Variants in LARP1B observed in about 807,000 individuals in gnomAD.
LARP1B encodes the protein la-related protein 1B.
In LARP1B, 76 loss-of-function variants were observed where a neutral mutation model predicts 114.2. The ratio of observed to expected loss-of-function variants is 0.67; its 90% confidence interval spans 0.55 to 0.81. The LOEUF is 0.81. LARP1B is among the 30% of genes least tolerant of loss of function. The pLI is 0.00. For synonymous variants in LARP1B, 345 were observed against 348.0 expected (o/e 0.99, Z 0.10); for missense variants, 1,014 against 1,075.8 (o/e 0.94, Z 0.80).
intron 1 of LARP1B, chr4:128,069,201 CTGAT>C (rs1764234663): frequency 9.9e-6 from 11 of 1,109,402 alleles, no homozygotes; most frequent in Non-Finnish European, 2.7e-6. Flanking sequence ...AGGATTTCTT[CTGAT>C]AGCTTTATGG....
chr4:128,074,017 C>T (rs918630528), intron 1 of LARP1B, among the ~76,000 whole-genome samples: 23 of 149,954 alleles, frequency 1.5e-4, no homozygotes, highest in South Asian at 6.4e-4. Flanking sequence ...CTCAGCTTAC[C>T]GCATCCTCTG....
intron 13 of LARP1B, 136 bp downstream of exon 13, chr4:128,177,043 TTGGTGCTATTTGTGTCACCAAGAACAAAG>T: frequency 1.3e-6 from 1 of 784,360 alleles, no homozygotes; most frequent in South Asian, 1.7e-5. Flanking sequence ...GACTGACAGT[TTGGTGCTATTTGTGTCACCAAGAACAAAG>T]TGGAAAATGA....
intron 5 of LARP1B, among the ~76,000 whole-genome samples, chr4:128,084,073 C>T (rs907628254): frequency 2.1e-4 from 32 of 152,082 alleles, no homozygotes; most frequent in Admixed American, 3.3e-4. Context: ...GGATGGTTGC[C>T]GGGAAGAGGC....
chr4:128,075,635 C>T (rs950372848), intron 3 of LARP1B, among the ~76,000 whole-genome samples: 19 of 151,584 alleles, frequency 1.3e-4, no homozygotes, highest in African/African-American at 3.6e-4. Flanking sequence ...GCAGCCTTGG[C>T]CTTCCAGGCT....
intron 1 of LARP1B, among the ~76,000 whole-genome samples, chr4:128,074,205 G>T (rs548969108): frequency 6.6e-6 from 1 of 152,244 alleles, no homozygotes; most frequent in African/African-American, 2.4e-5. Flanking sequence ...CTCCCAAAGT[G>T]CTGGGATTAC....
intron 4 of LARP1B, 139 bp from the exon 5 acceptor site, chr4:128,082,026 G>A (rs1476358908): frequency 1.5e-5 from 12 of 820,222 alleles, no homozygotes; most frequent in African/African-American, 5.2e-5. Context: ...ATGAGCCACC[G>A]TGTCTGGCCT....
intron 9 of LARP1B, among the ~76,000 whole-genome samples, chr4:128,109,339 A>G (rs930842056): frequency 6.6e-6 from 1 of 152,174 alleles, no homozygotes; most frequent in Non-Finnish European, 1.5e-5. Context: ...TTTTAACAAC[A>G]TAACTCTTTA....
intron 11 of LARP1B, among the ~76,000 whole-genome samples, chr4:128,127,909 T>C (rs758732819): frequency 2.0e-5 from 3 of 152,198 alleles, no homozygotes; most frequent in Admixed American, 1.3e-4. Flanking sequence ...GTAATCAAGA[T>C]AGTGGTGCTG....
At chr4:128,154,808 C>T (rs897025107) in intron 11 of LARP1B, among the ~76,000 whole-genome samples, 2 of 152,110 alleles carry the variant, frequency 1.3e-5, no homozygotes, top group African/African-American at 2.4e-5. Flanking sequence ...GTTTTTTGCT[C>T]TGTCACCCAA....
chr4:128,207,376 G>C lies in LARP1B; in HGVS notation c.2540G>C (p.Arg847Pro). The C allele has an allele frequency of 6.7e-7, 1 of 1,499,886 alleles. No individual in the cohort carries two copies. The highest frequency in any genetic ancestry group is 8.9e-7 in the Non-Finnish European group (1 of 1,122,926). 92.9% of individuals were successfully genotyped at this position (1,499,886 alleles called of 1,614,324 possible). ...AGTTTTAAGAGGTTAGAAGACTTCC[G>C]TGTTGATGTAAGTTTTAAGTCATTT... ...LCSFKRLEDF[R>P]VDPPISDEFG... Residue 847 changes from arginine to proline, a missense_variant, in exon 19 of 20, where the codon CGT becomes CCT. Coordinates refer to ENST00000326639, the MANE Select transcript of LARP1B (RefSeq NM_018078.4).
chr4:128,116,903 A>AT (rs1048047751), intron 10 of LARP1B, among the ~76,000 whole-genome samples: 33 of 134,282 alleles, frequency 2.5e-4, no homozygotes, highest in African/African-American at 5.1e-4. Context: ...TTATCAAGTG[A>AT]TTTTTTTTTC....
chr4:128,099,329 C>T (rs1170739411), intron 8 of LARP1B, among the ~76,000 whole-genome samples: 1 of 149,434 alleles, frequency 6.7e-6, no homozygotes, highest in Non-Finnish European at 1.5e-5. Flanking sequence ...ATTCTGTTGC[C>T]CAGTATGGAG....
At position 128,178,535 on chromosome 4, in the gene LARP1B, C is replaced by T; in HGVS notation, c.1789C>T (p.His597Tyr). The change falls in exon 14 of 20, where the codon CAT (histidine) becomes TAT (tyrosine). Residue 597 changes from histidine (H) to tyrosine (Y), a missense_variant. By Grantham distance (83) the His-to-Tyr change is moderately conservative. Coordinates refer to ENST00000326639, the MANE Select transcript of LARP1B (RefSeq NM_018078.4). ...PTAVPESPRI[H>Y]PTRTPKTPRT... ...AGCAGTTCCAGAATCTCCTAGAATT[C>T]ATCCTACAAGAACACCCAAAACACC... The T allele has an allele frequency of 6.2e-7, 1 of 1,613,950 alleles. No individual in the cohort carries two copies. The highest frequency in any genetic ancestry group is 1.6e-4 in the Middle Eastern group (1 of 6,062).
intron 11 of LARP1B, among the ~76,000 whole-genome samples, chr4:128,132,278 T>C (rs867862145): frequency 2.0e-5 from 3 of 152,174 alleles, no homozygotes; most frequent in African/African-American, 7.2e-5. Flanking sequence ...AGAGTCTTAC[T>C]CTGTCGCCCT....
chr4:128,190,996 T>C (rs1009056044), intron 15 of LARP1B, among the ~76,000 whole-genome samples: 39 of 152,368 alleles, frequency 2.6e-4, no homozygotes, highest in African/African-American at 8.9e-4. Context: ...TTCATTCCTT[T>C]CTTTTTCTCC....
intron 5 of LARP1B, 25 bp downstream of exon 5, chr4:128,082,330 A>G (rs1355712225): frequency 6.2e-7 from 1 of 1,603,274 alleles, no homozygotes; most frequent in Non-Finnish European, 8.5e-7. Context: ...TAAGACAAAA[A>G]TGACTAAGGA....
At chr4:128,157,833 C>A (rs762786136) in intron 11 of LARP1B, among the ~76,000 whole-genome samples, 1 of 151,862 alleles carries the variant, frequency 6.6e-6, no homozygotes, top group Non-Finnish European at 1.5e-5. Context: ...GAAATGAAAA[C>A]TATGAAAATT....
rs1284368510 is a variant in LARP1B at position 128,079,329 on chromosome 4, A to G, written c.217+1367A>G. Among the ~76,000 whole-genome samples the G allele has an allele frequency of 2.6e-5, 4 of 152,138 alleles. No homozygotes were observed. In the East Asian group the frequency reaches 7.7e-4, roughly 29 times the overall value. On this transcript the variant is annotated intron_variant, in intron 4 of 19. Coordinates refer to ENST00000326639, the MANE Select transcript of LARP1B (RefSeq NM_018078.4). Reference sequence around the variant, plus strand: ...AGGCTGGTCTTGAAATCCTGAGCTCAGGCGATCCACCTGCCTCGGCCTCCC... The same window carrying G: ...AGGCTGGTCTTGAAATCCTGAGCTCGGGCGATCCACCTGCCTCGGCCTCCC...
intron 15 of LARP1B, 68 bp from the exon 16 acceptor site, chr4:128,199,371 A>G: frequency 7.9e-7 from 1 of 1,271,742 alleles, no homozygotes; most frequent in Non-Finnish European, 1.0e-6. Flanking sequence ...AAAAAATAGT[A>G]CAAATTGGTT....
Sources: allele counts gnomAD v4.1 joint callset (sites outside exome capture counted in the v4.1 genomes callset), GRCh38; gene constraint gnomAD v4.1.1; transcripts MANE v1.5; gene names NCBI Gene and HGNC (gene_info 2026-07-23, HGNC 2026-07-21).